The following CNTNAP4 variants were observed in gnomAD, a reference collection of about 807,000 sequenced individuals.
CNTNAP4 encodes contactin-associated protein-like 4.
In CNTNAP4, 98 loss-of-function variants were observed where a neutral mutation model predicts 148.4. The observed-to-expected ratio is 0.66, with a 90% CI of 0.56 to 0.78. CNTNAP4 has a LOEUF of 0.78. Ranked by LOEUF, CNTNAP4 falls within the 30% of genes least tolerant of loss-of-function variation. The pLI, the probability that CNTNAP4 is intolerant of heterozygous loss-of-function variation, is 0.00. For synonymous variants in CNTNAP4, 730 were observed against 565.1 expected (o/e 1.29, Z -4.14); for missense variants, 1,935 against 1,565.6 (o/e 1.24, Z -3.98).
At position 76,381,136 on chromosome 16, in the gene CNTNAP4, A is replaced by G. The variant is rs956575883; in HGVS notation, c.390+25625A>G. ...TAATACTTTCACACTATCTTCCTCT[A>G]GATAGATTGAATCAGATGGACTGAA... is the stretch of plus-strand genomic sequence containing the variant. On this transcript the variant is annotated intron_variant, in intron 3 of 23. Transcript: ENST00000611870. Among the ~76,000 whole-genome samples the G allele has an allele frequency of 3.3e-5, 5 of 152,198 alleles. No homozygotes were observed. In the South Asian group the frequency reaches 1.0e-3, roughly 31 times the overall value.
intron 4 of CNTNAP4, among the ~76,000 whole-genome samples, chr16:76,429,797 G>A (rs952862485): frequency 3.3e-5 from 5 of 152,212 alleles, no homozygotes; most frequent in East Asian, 1.9e-4. Context: ...GCTATATTTG[G>A]GGTGAGCATA....
chr16:76,391,331 G>T (rs1019450772), intron 3 of CNTNAP4, among the ~76,000 whole-genome samples: 1 of 152,072 alleles, frequency 6.6e-6, no homozygotes, highest in South Asian at 2.1e-4. Flanking sequence ...TATTTTCTGG[G>T]GGAAAAGTCA....
intron 9 of CNTNAP4, among the ~76,000 whole-genome samples, chr16:76,462,552 C>T (rs568230313): frequency 1.1e-3 from 160 of 152,216 alleles, no homozygotes; most frequent in Admixed American, 2.6e-3. Context: ...ACTTAATCAG[C>T]CCCAGCAACC....
chr16:76,284,499 G>A (rs1342499600), intron 1 of CNTNAP4, among the ~76,000 whole-genome samples: 1 of 151,930 alleles, frequency 6.6e-6, no homozygotes, highest in African/African-American at 2.4e-5. Context: ...CTGAAATGAA[G>A]TAGTTTACCC....
intron 8 of CNTNAP4, among the ~76,000 whole-genome samples, chr16:76,454,129 T>C (rs911846042): frequency 3.7e-5 from 5 of 135,360 alleles, no homozygotes; most frequent in Admixed American, 1.5e-4. Context: ...TTTTTTTTTT[T>C]CTGAGATGGA....
intron 2 of CNTNAP4, among the ~76,000 whole-genome samples, chr16:76,343,049 T>G (rs982752771): frequency 2.6e-5 from 4 of 152,084 alleles, no homozygotes; most frequent in African/African-American, 9.7e-5. Context: ...TGGATAAGAT[T>G]CATAGTATTG....
chr16:76,450,429 C>T (rs1020312416), intron 7 of CNTNAP4, among the ~76,000 whole-genome samples: 2 of 152,202 alleles, frequency 1.3e-5, no homozygotes, highest in African/African-American at 2.4e-5. Context: ...GGATTACAGG[C>T]ATGAGCCACT....
intron 3 of CNTNAP4, among the ~76,000 whole-genome samples, chr16:76,383,447 A>G (rs2016197132): frequency 6.6e-6 from 1 of 151,900 alleles, no homozygotes; most frequent in Admixed American, 6.6e-5. Context: ...ACAATGAGCA[A>G]GGTGGGAAAC....
chr16:76,527,105 A>G (rs974577455), intron 17 of CNTNAP4, among the ~76,000 whole-genome samples: 3 of 152,188 alleles, frequency 2.0e-5, no homozygotes, highest in South Asian at 2.1e-4. Flanking sequence ...GCCAGGCTGC[A>G]AAGAGTCTCT....
intron 3 of CNTNAP4, among the ~76,000 whole-genome samples, chr16:76,383,412 AC>A (rs1326316955): frequency 1.2e-4 from 18 of 150,848 alleles, no homozygotes; most frequent in East Asian, 3.9e-4. Context: ...AAAAAAAAAA[AC>A]GTATCATGTA....
rs543212225 is a variant in CNTNAP4 at position 76,366,020 on chromosome 16, T to A, written c.390+10509T>A. Among the ~76,000 whole-genome samples, 5 of 152,286 alleles carry A rather than the reference T, an allele frequency of 3.3e-5. No individual in the cohort carries two copies. In the East Asian group the frequency reaches 9.7e-4, roughly 29 times the overall value. ...TATATTCTGAAGCTACTCTTGTTGA[T>A]CCTGATATGCTTTTTTGTTATTGTT... On this transcript the variant is annotated intron_variant, in intron 3 of 23. Transcript: ENST00000611870.
At chr16:76,510,720 T>A (rs1052125515) in intron 15 of CNTNAP4, among the ~76,000 whole-genome samples, 1 of 152,142 alleles carries the variant, frequency 6.6e-6, no homozygotes, top group Non-Finnish European at 1.5e-5. Flanking sequence ...TTTTGAAAAA[T>A]TTTCTCAACA....
chr16:76,427,341 C>A, intron 3 of CNTNAP4, 111 bp from the exon 4 acceptor site: 2 of 800,052 alleles, frequency 2.5e-6, no homozygotes, highest in Non-Finnish European at 3.9e-6. Flanking sequence ...TAGAAGGTAG[C>A]ACCATTCATA....
intron 3 of CNTNAP4, among the ~76,000 whole-genome samples, chr16:76,404,882 C>T (rs1872885649): frequency 6.6e-6 from 1 of 152,080 alleles, no homozygotes; most frequent in Non-Finnish European, 1.5e-5. Context: ...TTAATATTTT[C>T]ATAACATAAA....
At chr16:76,472,511 G>A (rs1266225653) in intron 10 of CNTNAP4, among the ~76,000 whole-genome samples, 2 of 151,202 alleles carry the variant, frequency 1.3e-5, no homozygotes, top group Non-Finnish European at 3.0e-5. Flanking sequence ...AATAGCCTTT[G>A]GTTTTACGTT....
chr16:76,323,416 T>G (rs1463053580), intron 2 of CNTNAP4, among the ~76,000 whole-genome samples: 1 of 152,156 alleles, frequency 6.6e-6, no homozygotes, highest in African/African-American at 2.4e-5. Context: ...TTATGATCAG[T>G]GATGTATCAC....
At chr16:76,442,024 G>C (rs1220895658) in intron 4 of CNTNAP4, among the ~76,000 whole-genome samples, 1 of 152,114 alleles carries the variant, frequency 6.6e-6, no homozygotes, top group Non-Finnish European at 1.5e-5. Flanking sequence ...TAAATATGTT[G>C]TGTTACCATG....
In CNTNAP4 at chr16:76,452,616, G is replaced by T. The variant is rs999578080; in HGVS notation, c.1180G>T (p.Ala394Ser). 1 of 1,613,948 alleles carries T rather than the reference G, an allele frequency of 6.2e-7. No individual in the cohort carries two copies. Among genetic ancestry groups the T allele is most frequent in the Non-Finnish European group, 8.5e-7 (1 of 1,179,866 alleles). ...PDFSGEEEVS[A>S]TFQFRTWNKA... ...CTTCTCTGGAGAGGAGGAGGTTTCT[G>T]CCACTTTTCAATTTCGAACTTGGAA... is the stretch of plus-strand genomic sequence containing the variant. The change falls in exon 8 of 24, where the codon GCC (alanine) becomes TCC (serine). Residue 394 changes from alanine (A) to serine (S), a missense_variant. Physicochemically the swap from Ala to Ser is moderately conservative, Grantham distance 99. Transcript: ENST00000611870.
At position 76,426,764 on chromosome 16, in the gene CNTNAP4, A is replaced by G. The variant is rs540426520; in HGVS notation, c.391-688A>G. On this transcript the variant is annotated intron_variant, in intron 3 of 23. Coordinates refer to ENST00000611870, the MANE Select transcript of CNTNAP4 (RefSeq NM_033401.5). Reference sequence around the variant, plus strand: ...CTGACCTCTAATTTCCTTGTCTGCAATTTGACTGTGCTAGCTTAGCATCAA... The same window carrying G: ...CTGACCTCTAATTTCCTTGTCTGCAGTTTGACTGTGCTAGCTTAGCATCAA... Among the ~76,000 whole-genome samples the G allele has an allele frequency of 2.8e-4, 43 of 152,274 alleles. 1 individual carries two copies. The highest frequency in any genetic ancestry group is 9.9e-4 in the African/African-American group (41 of 41,576).
Sources: allele counts gnomAD v4.1 joint callset (sites outside exome capture counted in the v4.1 genomes callset), GRCh38; gene constraint gnomAD v4.1.1; transcripts MANE v1.5; gene names NCBI Gene and HGNC (gene_info 2026-07-23, HGNC 2026-07-21).